ARHGAP39: variants seen among roughly 807,000 people sequenced by gnomAD.
The protein encoded by ARHGAP39 is rho GTPase-activating protein 39.
ARHGAP39 carries 44 observed loss-of-function variants against 106.9 expected under a neutral mutation model. The ratio of observed to expected loss-of-function variants is 0.41; its 90% CI spans 0.32 to 0.53. ARHGAP39 has a LOEUF of 0.53. Among genes scored for constraint, ARHGAP39 ranks in the 20% least tolerant of loss-of-function variants. The pLI is 0.21. For synonymous variants in ARHGAP39, 768 were observed against 693.2 expected, an observed-to-expected ratio of 1.11 and a Z score of -1.69; for missense variants, 1,496 against 1,577.3, an observed-to-expected ratio of 0.95 and a Z score of 0.87.
chr8:144,608,057 T>C (rs1820358521), intron 1 of ARHGAP39, among the ~76,000 whole-genome samples: 2 of 147,756 alleles, frequency 1.4e-5, no homozygotes, highest in African/African-American at 5.1e-5. Context: ...CGCAGGAGGC[T>C]GAGGCAGGAG....
In ARHGAP39 at chr8:144,641,188, C is replaced by T. The variant is rs1237569487; in HGVS notation, c.-81-35493G>A. Among the ~76,000 whole-genome samples, 1 of 152,098 alleles carries T rather than the reference C, an allele frequency of 6.6e-6. No homozygotes were observed. On this transcript the variant is annotated intron_variant, in intron 1 of 11. Coordinates refer to ENST00000377307, the MANE Select transcript of ARHGAP39 (RefSeq NM_025251.3). The surrounding 1 kb of genome is among the most constrained non-coding windows in gnomAD (Gnocchi z 5.2). ...AGGATCACGGGGGGAAAGACCACAC[C>T]GGCTTCTGGTTCTCAGGTTCTAGTC...
In ARHGAP39 at chr8:144,548,021, C is replaced by T. The variant is rs773025518; in HGVS notation, c.1065G>A (p.Pro355=). The T allele has an allele frequency of 3.1e-6, 5 of 1,607,708 alleles. No homozygotes were observed. Among genetic ancestry groups the T allele is most frequent in the East Asian group, 2.2e-5 (1 of 44,750 alleles). Residue 355 remains proline (P), a synonymous_variant, in exon 5 of 12, where the codon CCG becomes CCA. Transcript: ENST00000377307. The surrounding 1 kb of genome is among the most constrained non-coding windows in gnomAD (Gnocchi z 7.4). ...PQRSPGRKPR[P]FLQPNKQGPP... ...GGCCCTGCTTGTTGGGCTGGAGGAA[C>T]GGCCGGGGCTTACGGCCCGGCGACC...
At chr8:144,610,624 A>C (rs1820457377) in intron 1 of ARHGAP39, among the ~76,000 whole-genome samples, 1 of 151,926 alleles carries the variant, frequency 6.6e-6, no homozygotes, top group Non-Finnish European at 1.5e-5. Flanking sequence ...AGGCAGGGGA[A>C]TGGCGTGAAC....
At chr8:144,603,380 T>C (rs1250531264) in intron 2 of ARHGAP39, among the ~76,000 whole-genome samples, 1 of 152,120 alleles carries the variant, frequency 6.6e-6, no homozygotes, top group Non-Finnish European at 1.5e-5. Context: ...TACATGTGCA[T>C]ACTCCTGCAT....
intron 1 of ARHGAP39, among the ~76,000 whole-genome samples, chr8:144,636,581 C>T (rs1158450537): frequency 2.6e-5 from 4 of 152,246 alleles, no homozygotes; most frequent in African/African-American, 9.6e-5. Context: ...CAGATGCTAA[C>T]ACAGACACAG....
the ARHGAP39 span, among the ~76,000 whole-genome samples, chr8:144,698,463 G>A: frequency 2.6e-5 from 4 of 152,138 alleles, no homozygotes; most frequent in African/African-American, 9.7e-5. Flanking sequence ...GTGAATTGAG[G>A]TTTTTAATCT....
intron 1 of ARHGAP39, among the ~76,000 whole-genome samples, chr8:144,655,987 C>T (rs1249899958): frequency 6.6e-6 from 1 of 152,160 alleles, no homozygotes; most frequent in Non-Finnish European, 1.5e-5. Flanking sequence ...AACGATCAAT[C>T]TAGAATCCCA....
intron 1 of ARHGAP39, among the ~76,000 whole-genome samples, chr8:144,629,170 G>A (rs983647024): frequency 1.3e-5 from 2 of 152,184 alleles, no homozygotes; most frequent in African/African-American, 4.8e-5. Context: ...TAGGTTTGAG[G>A]CCACATTGCT....
At chr8:144,613,253 T>C (rs1251602126) in intron 1 of ARHGAP39, among the ~76,000 whole-genome samples, 1 of 152,260 alleles carries the variant, frequency 6.6e-6, no homozygotes, top group Non-Finnish European at 1.5e-5. Context: ...AATTACATTT[T>C]AGAGAGATTT....
chr8:144,580,803 CCATT>C (rs778377874), intron 3 of ARHGAP39, 39 bp downstream of exon 3: 37 of 1,470,222 alleles, frequency 2.5e-5, no homozygotes, highest in African/African-American at 2.0e-4. Flanking sequence ...CCCGCCCACT[CCATT>C]CACCTGGCCC....
rs535180122 is a variant in ARHGAP39, at chr8:144,545,597, C to T, written c.2173G>A (p.Glu725Lys). ...SIANMLAWSS[E>K]SIKKPMIVTS... ...ACGATCATGGGCTTCTTGATGGACT[C>T]GCTGCTCCAGGCCAGCATGTTGGCG... Residue 725 changes from glutamate (E) to lysine (K), a missense_variant, in exon 6 of 12, where the codon GAG becomes AAG. This residue lies in a region of ARHGAP39 where 470 missense variants were observed against 605.1 expected (regional missense o/e 0.78). Transcript: ENST00000377307. 4 of 1,613,746 alleles carry T rather than the reference C, an allele frequency of 2.5e-6. No homozygotes were observed. The highest frequency in any genetic ancestry group is 4.5e-5 in the East Asian group (2 of 44,870).
intron 2 of ARHGAP39, among the ~76,000 whole-genome samples, chr8:144,600,217 G>A (rs1415417086): frequency 6.6e-6 from 1 of 151,162 alleles, no homozygotes; most frequent in African/African-American, 2.4e-5. Context: ...GTGTGTGGGG[G>A]GCATGTGTGC....
rs114990398 is a variant in ARHGAP39, at chr8:144,589,245, G to C, written c.81-7968C>G. Among the ~76,000 whole-genome samples, 300 of 152,318 alleles carry C rather than the reference G, an allele frequency of 2.0e-3. 1 individual carries two copies. The highest frequency in any genetic ancestry group is 6.8e-3 in the African/African-American group (281 of 41,564). On this transcript the variant is annotated intron_variant, in intron 2 of 11. Transcript: ENST00000377307. ...TAAAAAGTTTGCTTAAAAAAAGTAA[G>C]TAGTCTCCATATTTTAAAATGTTAA... is the stretch of plus-strand genomic sequence containing the variant.
intron 6 of ARHGAP39, among the ~76,000 whole-genome samples, chr8:144,541,950 C>A (rs989825081): frequency 2.7e-5 from 4 of 148,118 alleles, no homozygotes; most frequent in African/African-American, 1.0e-4. Flanking sequence ...AGTGGCTGTA[C>A]CATTTTACAT....
intron 1 of ARHGAP39, among the ~76,000 whole-genome samples, chr8:144,621,883 G>A (rs956241922): frequency 3.3e-5 from 5 of 152,210 alleles, no homozygotes; most frequent in African/African-American, 1.2e-4. Context: ...TACAGTTTCA[G>A]GCAAACAAGA....
At position 144,529,233 on chromosome 8, in the gene ARHGAP39, C is replaced by T; in HGVS notation, c.*1189G>A. The T allele has an allele frequency of 4.0e-6, 1 of 248,530 alleles. No individual in the cohort carries two copies. 15.4% of individuals were successfully genotyped at this position (248,530 alleles called of 1,614,324 possible). A position where few individuals can be genotyped will look rare whatever the true frequency, so the allele number is the denominator to read the frequency against. On this transcript the variant is annotated 3_prime_UTR_variant, in exon 12 of 12. Transcript: ENST00000377307. ...GTCGTCGCCTCTCGGGTCCATGCGT[C>T]GGGGCGAGCGTCTCAGCCGGGCGGG...
chr8:144,660,775 T>C (rs1440803291), intron 1 of ARHGAP39, among the ~76,000 whole-genome samples: 2 of 151,926 alleles, frequency 1.3e-5, no homozygotes, highest in Non-Finnish European at 1.5e-5. Context: ...AGGTCAGGAG[T>C]TTGAGACCAG....
intron 1 of ARHGAP39, among the ~76,000 whole-genome samples, chr8:144,678,930 G>C (rs1447483642): frequency 6.6e-6 from 1 of 152,150 alleles, no homozygotes; most frequent in African/African-American, 2.4e-5. Flanking sequence ...GAGGGACATG[G>C]TGCAGGTCCC....
At chr8:144,607,380 G>A (rs2130949196) in intron 1 of ARHGAP39, among the ~76,000 whole-genome samples, 1 of 152,332 alleles carries the variant, frequency 6.6e-6, no homozygotes, top group Middle Eastern at 3.4e-3. Flanking sequence ...GTGACGGGGA[G>A]GGACCCACGG....
Sources: allele counts gnomAD v4.1 joint callset (sites outside exome capture counted in the v4.1 genomes callset), GRCh38; gene constraint gnomAD v4.1.1; regional missense constraint gnomAD v4.1.1; non-coding constraint Gnocchi (gnomAD v3.1); transcripts MANE v1.5; gene names NCBI Gene and HGNC (gene_info 2026-07-23, HGNC 2026-07-21).